KIF14: variants seen among roughly 807,000 people sequenced by gnomAD.
KIF14 encodes the protein kinesin-like protein KIF14.
KIF14 carries 98 observed loss-of-function variants against 176.2 expected under a neutral mutation model. The ratio of observed to expected loss-of-function variants is 0.56; its 90% CI spans 0.47 to 0.66. The LOEUF is 0.66. Among genes scored for constraint, KIF14 ranks in the 30% least tolerant of loss-of-function variants. KIF14 has a pLI of 0.00. For synonymous variants in KIF14, 566 were observed against 632.2 expected, an observed-to-expected ratio of 0.90 and a Z score of 1.57; for missense variants, 1,751 against 1,920.4, an observed-to-expected ratio of 0.91 and a Z score of 1.65.
intron 21 of KIF14, among the ~76,000 whole-genome samples, chr1:200,579,249 G>A (rs1423334511): frequency 6.6e-6 from 1 of 152,134 alleles, no homozygotes; most frequent in Non-Finnish European, 1.5e-5. Context: ...TGAGAGGACT[G>A]CTTGAGGCCA....
chr1:200,590,093 A>G, intron 17 of KIF14, 32 bp downstream of exon 17: 7 of 1,443,780 alleles, frequency 4.8e-6, no homozygotes, highest in Non-Finnish European at 6.5e-6. Context: ...ACACTGTCGG[A>G]AAAAAAAAAT....
intron 10 of KIF14, 82 bp from the exon 11 acceptor site, chr1:200,602,150 T>C (rs1285794739): frequency 8.9e-7 from 1 of 1,123,688 alleles, no homozygotes; most frequent in African/African-American, 1.5e-5. Flanking sequence ...AACAAACTAA[T>C]AGGGTATATA....
rs1382780228 is a variant in KIF14, at chr1:200,615,431, G to GTGGTGC, written c.1285_1290dup (p.Ala429_Pro430dup). ...AAGCCTTCGAAGGCTCTTTCTAGGA[G>GTGGTGC]TGGTGCTGCTAGCTTCTCATAGACA... is the stretch of plus-strand genomic sequence containing the variant. On this transcript the variant is annotated inframe_insertion, in exon 3 of 30. Coordinates refer to ENST00000367350, the MANE Select transcript of KIF14 (RefSeq NM_014875.3). 1 of 1,614,004 alleles carries GTGGTGC rather than the reference G, an allele frequency of 6.2e-7. No individual in the cohort carries two copies. The highest frequency in any genetic ancestry group is 1.3e-5 in the African/African-American group (1 of 74,938).
Position 200,617,980 on chromosome 1 carries a change from C to G in KIF14, c.744G>C (p.Val248=), listed in dbSNP as rs748781572. ...TATGATACAAGTTTCCTGTTCCCAA[C>G]ACTTTGATATCCAACTTGCTCTGAG... ...KPTQSKLDIK[V]LGTGNLYHRS... is the part of the protein sequence containing the mutation. The change falls in exon 2 of 30, where the codon GTG becomes GTC. Residue 248 remains valine, a synonymous_variant. Transcript: ENST00000367350. 4 of 1,614,128 alleles carry G rather than the reference C, an allele frequency of 2.5e-6. No homozygotes were observed. Among genetic ancestry groups the G allele is most frequent in the Non-Finnish European group, 3.4e-6 (4 of 1,180,022 alleles).
At chr1:200,616,999 G>C (rs993549241) in intron 2 of KIF14, among the ~76,000 whole-genome samples, 1 of 152,024 alleles carries the variant, frequency 6.6e-6, no homozygotes, top group African/African-American at 2.4e-5. Flanking sequence ...AGACAGTCTC[G>C]TTCTGTCGCC....
chr1:200,564,981 G>A (rs1041249635), intron 25 of KIF14, 88 bp downstream of exon 25: 6 of 983,506 alleles, frequency 6.1e-6, no homozygotes, highest in Admixed American at 2.5e-5. Flanking sequence ...ATCATACAGA[G>A]CTAATTTTGG....
At chr1:200,610,306 C>G (rs1660089808) in intron 4 of KIF14, among the ~76,000 whole-genome samples, 1 of 152,072 alleles carries the variant, frequency 6.6e-6, no homozygotes, top group South Asian at 2.1e-4. Context: ...CGAGACCATC[C>G]TGGCTAACAC....
Position 200,559,417 on chromosome 1 carries a change from G to T in KIF14, c.4266C>A (p.Gly1422=). 6.4e-7 allele frequency: 1 copy of T among 1,567,616 alleles called. No individual in the cohort carries two copies. Among genetic ancestry groups the T allele is most frequent in the South Asian group, 1.2e-5 (1 of 81,856 alleles). Residue 1422 remains glycine (G), a synonymous_variant, in exon 27 of 30, where the codon GGC becomes GGA. Transcript: ENST00000367350. ...AATCTAATAAAATCTTCATTCCTAA[G>T]CCTACACCATCACAAACAGCATCCA... The part of the protein sequence containing the change: ...EFMDAVCDGV[G]LGMKILLDSG...
chr1:200,554,438 T>C, intron 29 of KIF14, 30 bp downstream of exon 29: 1 of 1,394,230 alleles, frequency 7.2e-7, no homozygotes, highest in Non-Finnish European at 9.9e-7. Context: ...TATAAAATTC[T>C]GATTATAAAC....
intron 25 of KIF14, among the ~76,000 whole-genome samples, chr1:200,563,301 C>T (rs1657262375): frequency 6.6e-6 from 1 of 152,092 alleles, no homozygotes; most frequent in African/African-American, 2.4e-5. Flanking sequence ...ATTACATGGT[C>T]TAATTATCCT....
At chr1:200,586,248 C>CAG in intron 18 of KIF14, 21 bp from the exon 19 acceptor site, 1 of 1,540,314 alleles carries the variant, frequency 6.5e-7, no homozygotes, top group South Asian at 1.2e-5. Flanking sequence ...TTCATTCATA[C>CAG]AGACCCACAT....
At chr1:200,611,754 A>G (rs1660165442) in intron 4 of KIF14, among the ~76,000 whole-genome samples, 1 of 152,186 alleles carries the variant, frequency 6.6e-6, no homozygotes, top group Non-Finnish European at 1.5e-5. Context: ...ATCCTGGCTA[A>G]TTCCAAAGTT....
chr1:200,554,519 AC>A lies in KIF14; in HGVS notation c.4515del (p.Lys1505AsnfsTer2), dbSNP rs763489301. 1.4e-5 allele frequency: 21 copies of A among 1,550,232 alleles called. No homozygotes were observed. The Admixed American group carries it at 3.0e-4, about 22-fold the overall frequency. On this transcript the variant is annotated frameshift_variant, in exon 29 of 30. Coordinates refer to ENST00000367350, the MANE Select transcript of KIF14 (RefSeq NM_014875.3). LOFTEE classifies it high-confidence loss of function. Reference protein sequence around the residue: ...RMVNRAPEFLKLKHCLEKAIE... With the variant: ...RMVNRAPEFLXLKHCLEKAIE... ...ATAGCTTTCTCTAAGCAATGTTTTA[AC>A]TTTAAGAATTCTGGAGCACGATTAA... is the stretch of plus-strand genomic sequence containing the variant.
intron 14 of KIF14, among the ~76,000 whole-genome samples, chr1:200,594,368 CAAA>C (rs371729211): frequency 0.081 from 7,480 of 92,608 alleles, 191 homozygotes; most frequent in Middle Eastern, 0.13. Context: ...CCCAAAAATT[CAAA>C]AAAAAAAAAA....
intron 27 of KIF14, among the ~76,000 whole-genome samples, chr1:200,556,317 C>A (rs918986992): frequency 1.3e-5 from 2 of 152,070 alleles, no homozygotes; most frequent in African/African-American, 4.8e-5. Context: ...TAAAAAAAAA[C>A]AAAATTCCAA....
At chr1:200,611,703 C>T (rs16846996) in intron 4 of KIF14, among the ~76,000 whole-genome samples, 4,323 of 152,158 alleles carry the variant, frequency 0.028, 213 homozygotes, top group African/African-American at 0.097. Context: ...CTCGCTATAC[C>T]ACCTTCTATT....
At chr1:200,598,854 C>G (rs1204208432) in intron 13 of KIF14, among the ~76,000 whole-genome samples, 1 of 152,262 alleles carries the variant, frequency 6.6e-6, no homozygotes, top group Non-Finnish European at 1.5e-5. Context: ...CCACCGTGCC[C>G]GGCCATAAAG....
In KIF14 at chr1:200,586,232, T is replaced by A. The variant is rs756733094; in HGVS notation, c.3115-5A>T. Reference sequence around the variant, plus strand: ...GATGCTATGGTCTTCTAAAGCCTAATTGATATTCATTCATACAGACCCACA... The same window carrying A: ...GATGCTATGGTCTTCTAAAGCCTAAATGATATTCATTCATACAGACCCACA... On this transcript the variant is annotated splice_polypyrimidine_tract_variant and splice_region_variant and intron_variant, in intron 18 of 29. Transcript: ENST00000367350. 2.8e-5 allele frequency: 44 copies of A among 1,579,640 alleles called. No homozygotes were observed. Among genetic ancestry groups the A allele is most frequent in the Non-Finnish European group, 3.4e-5 (39 of 1,159,408 alleles).
chr1:200,610,648 T>C (rs1437610574), intron 4 of KIF14, among the ~76,000 whole-genome samples: 1 of 152,232 alleles, frequency 6.6e-6, no homozygotes, highest in Non-Finnish European at 1.5e-5. Flanking sequence ...CTTTAGGTTA[T>C]TGTCAGGACA....
Sources: gnomAD v4.1 joint callset for allele counts (sites outside exome capture counted in the v4.1 genomes callset) on GRCh38, gnomAD v4.1.1 for gene constraint, MANE v1.5 for transcripts, NCBI Gene and HGNC (gene_info 2026-07-23, HGNC 2026-07-21) for gene names.